NOL4: variants seen among roughly 807,000 people sequenced by gnomAD.
NOL4 encodes the protein nucleolar protein 4.
Under a neutral mutation model 75.9 loss-of-function variants are expected in NOL4, and 17 were observed. The observed-to-expected ratio is 0.22, with a 90% CI of 0.15 to 0.34. The LOEUF (loss-of-function observed/expected upper bound fraction) is 0.34. Ranked by LOEUF, NOL4 falls within the 10% of genes least tolerant of loss-of-function variation. The pLI, the probability that NOL4 is intolerant of heterozygous loss-of-function variation, is 1.00. For missense variants in NOL4, 614 were observed against 793.5 expected (o/e 0.77, Z 2.72); for synonymous variants, 292 against 289.9 (o/e 1.01, Z -0.07).
At chr18:34,191,950 A>G (rs1305665478) in intron 1 of NOL4, among the ~76,000 whole-genome samples, 1 of 152,126 alleles carries the variant, frequency 6.6e-6, no homozygotes, top group Non-Finnish European at 1.5e-5. Context: ...ACACATACTG[A>G]CTCACATATG....
chr18:34,076,862 C>A (rs1393771883), intron 5 of NOL4, among the ~76,000 whole-genome samples: 1 of 152,138 alleles, frequency 6.6e-6, no homozygotes, highest in East Asian at 1.9e-4. Context: ...TAGAAAATGT[C>A]TCTTTTTAGC....
At chr18:33,952,489 C>G (rs1197739808) in intron 8 of NOL4, among the ~76,000 whole-genome samples, 1 of 152,118 alleles carries the variant, frequency 6.6e-6, no homozygotes, top group Non-Finnish European at 1.5e-5. Flanking sequence ...CATACATGAT[C>G]ACATATAGTA....
At chr18:33,860,651 C>A (rs556808963) in intron 10 of NOL4, among the ~76,000 whole-genome samples, 1 of 152,010 alleles carries the variant, frequency 6.6e-6, no homozygotes, top group East Asian at 1.9e-4. Context: ...ATTGCCCTGG[C>A]CAGAACTTCC....
At chr18:33,866,116 C>T (rs147128806) in intron 10 of NOL4, among the ~76,000 whole-genome samples, 30 of 152,232 alleles carry the variant, frequency 2.0e-4, no homozygotes, top group Admixed American at 4.6e-4. Context: ...ACATTGACAG[C>T]ATTTGCAGGT....
At chr18:33,944,928 C>T (rs1015788928) in intron 8 of NOL4, among the ~76,000 whole-genome samples, 1 of 151,756 alleles carries the variant, frequency 6.6e-6, no homozygotes, top group African/African-American at 2.4e-5. Flanking sequence ...CTGCCTGGCT[C>T]AAAAATGTAG....
chr18:33,936,766 C>A (rs145537286), intron 9 of NOL4, among the ~76,000 whole-genome samples: 1 of 152,192 alleles, frequency 6.6e-6, no homozygotes, highest in East Asian at 1.9e-4. Context: ...GAAACCCTCA[C>A]ATTCTCCAGA....
At chr18:34,077,877 G>A (rs887918626) in intron 5 of NOL4, among the ~76,000 whole-genome samples, 2 of 152,020 alleles carry the variant, frequency 1.3e-5, no homozygotes, top group Non-Finnish European at 2.9e-5. Flanking sequence ...ATTTCCCATG[G>A]CAATACTACA....
chr18:34,101,757 A>G (rs2079052267), intron 4 of NOL4, among the ~76,000 whole-genome samples: 1 of 152,008 alleles, frequency 6.6e-6, no homozygotes, highest in African/African-American at 2.4e-5. Context: ...GTGTCCCTGC[A>G]TCCAGTTTTT....
At chr18:34,192,686 C>A (rs2035009279) in intron 1 of NOL4, among the ~76,000 whole-genome samples, 1 of 152,170 alleles carries the variant, frequency 6.6e-6, no homozygotes, top group African/African-American at 2.4e-5. Flanking sequence ...AGGCCCATAT[C>A]TCACACTGCT....
At chr18:33,861,244 G>C (rs1338112311) in intron 10 of NOL4, among the ~76,000 whole-genome samples, 1 of 151,956 alleles carries the variant, frequency 6.6e-6, no homozygotes. Flanking sequence ...GTAGAATTTG[G>C]CTGTGAATCC....
At chr18:33,893,359 C>G (rs1346127600) in intron 9 of NOL4, among the ~76,000 whole-genome samples, 1 of 152,112 alleles carries the variant, frequency 6.6e-6, no homozygotes, top group Admixed American at 6.6e-5. Flanking sequence ...TCCTTAGAAA[C>G]TGGACACATA....
chr18:34,049,672 T>G (rs1260880943), intron 5 of NOL4, among the ~76,000 whole-genome samples: 1 of 152,072 alleles, frequency 6.6e-6, no homozygotes, highest in Non-Finnish European at 1.5e-5. Flanking sequence ...CTTTTCTATT[T>G]CTCAACCTTT....
intron 2 of NOL4, among the ~76,000 whole-genome samples, chr18:34,128,695 A>G (rs1030468907): frequency 6.6e-6 from 1 of 151,970 alleles, no homozygotes; most frequent in African/African-American, 2.4e-5. Flanking sequence ...CAGCCAAGAA[A>G]CAAAACCATA....
chr18:34,111,870 C>T (rs2145752145), intron 2 of NOL4, among the ~76,000 whole-genome samples: 1 of 152,174 alleles, frequency 6.6e-6, no homozygotes, highest in Non-Finnish European at 1.5e-5. Flanking sequence ...AAAGGGAAGC[C>T]TTGTACACTA....
At chr18:33,947,122 AC>A (rs1449062311) in intron 8 of NOL4, among the ~76,000 whole-genome samples, 1 of 151,852 alleles carries the variant, frequency 6.6e-6, no homozygotes, top group African/African-American at 2.4e-5. Flanking sequence ...GGCTTCTATC[AC>A]TTAACAACTC....
intron 1 of NOL4, among the ~76,000 whole-genome samples, chr18:34,136,960 G>A (rs1385234697): frequency 6.6e-6 from 1 of 152,092 alleles, no homozygotes; most frequent in Non-Finnish European, 1.5e-5. Context: ...CATGTGAATT[G>A]ACATATAGAT....
intron 10 of NOL4, among the ~76,000 whole-genome samples, chr18:33,876,120 A>G (rs1238894058): frequency 6.6e-6 from 1 of 152,202 alleles, no homozygotes; most frequent in Non-Finnish European, 1.5e-5. Flanking sequence ...AGATTTGAAC[A>G]TGAGAACTCC....
chr18:34,208,910 G>T (rs2036312509), intron 1 of NOL4, among the ~76,000 whole-genome samples: 1 of 151,554 alleles, frequency 6.6e-6, no homozygotes, highest in Admixed American at 6.6e-5. Context: ...TGGGAAAGGG[G>T]ATTTAAAGCA....
intron 1 of NOL4, among the ~76,000 whole-genome samples, chr18:34,150,198 G>T (rs1377902437): frequency 6.6e-6 from 1 of 151,564 alleles, no homozygotes; most frequent in Non-Finnish European, 1.5e-5. Context: ...TCAAATATAT[G>T]ACTAAGCCTA....
Sources: gnomAD v4.1 joint callset for allele counts (sites outside exome capture counted in the v4.1 genomes callset) on GRCh38, gnomAD v4.1.1 for gene constraint, MANE v1.5 for transcripts, NCBI Gene and HGNC (gene_info 2026-07-23, HGNC 2026-07-21) for gene names.